BABAM2: variants seen among roughly 807,000 people sequenced by gnomAD.
BABAM2 encodes the protein BRISC and BRCA1-A complex member 2.
In BABAM2, 31 loss-of-function variants were observed where a neutral mutation model predicts 54.7. The observed-to-expected ratio is 0.57, with a 90% CI of 0.43 to 0.77. The LOEUF is 0.77. Among genes scored for constraint, BABAM2 ranks in the 30% least tolerant of loss-of-function variants. BABAM2 has a pLI of 0.00. For synonymous variants in BABAM2, 167 were observed against 162.9 expected, an observed-to-expected ratio of 1.03 and a Z score of -0.19; for missense variants, 364 against 455.8, an observed-to-expected ratio of 0.80 and a Z score of 1.83.
intron 3 of BABAM2, among the ~76,000 whole-genome samples, chr2:27,969,870 C>T (rs1219555931): frequency 6.6e-6 from 1 of 152,008 alleles, no homozygotes. Context: ...GTTATCCATC[C>T]CCAAATGTCA....
chr2:28,172,819 T>C (rs1674505445), intron 7 of BABAM2, among the ~76,000 whole-genome samples: 1 of 152,182 alleles, frequency 6.6e-6, no homozygotes, highest in Non-Finnish European at 1.5e-5. Context: ...ATCTATAACC[T>C]TGTGTATTAG....
intron 7 of BABAM2, among the ~76,000 whole-genome samples, chr2:28,138,107 A>G (rs1670703894): frequency 6.6e-6 from 1 of 152,196 alleles, no homozygotes; most frequent in Non-Finnish European, 1.5e-5. Flanking sequence ...CTGTTCATTT[A>G]TATTTATTCA....
chr2:28,328,066 G>C (rs1243962256), intron 11 of BABAM2, among the ~76,000 whole-genome samples: 3 of 152,190 alleles, frequency 2.0e-5, no homozygotes, highest in Non-Finnish European at 2.9e-5. Flanking sequence ...TGTCACAGGG[G>C]CCTTTGGAGG....
chr2:27,997,074 A>G (rs1458398), intron 4 of BABAM2, among the ~76,000 whole-genome samples: 99,381 of 151,948 alleles, frequency 0.65, 34,198 homozygotes, highest in Middle Eastern at 0.8. Flanking sequence ...TGGTAAGAAT[A>G]CAGAATTAAT....
In BABAM2 at chr2:28,329,987, A is replaced by G. The variant is rs572732850; in HGVS notation, c.1089-8463A>G. On this transcript the variant is annotated intron_variant, in intron 11 of 11. Coordinates refer to ENST00000379624, the MANE Select transcript of BABAM2 (RefSeq NM_199191.3). This position sits in a 1 kb window ranked among gnomAD's most constrained non-coding sequence, Gnocchi z 4.2. ...CACATCAAAAAGCTTATCCACCACA[A>G]TCAAGTCAGCTTCATCCCCAGGATG... Among the ~76,000 whole-genome samples, 2 of 152,332 alleles carry G rather than the reference A, an allele frequency of 1.3e-5. No homozygotes were observed. The highest frequency in any genetic ancestry group is 2.1e-4 in the South Asian group (1 of 4,832).
At chr2:27,893,867 G>A (rs1665060777) in intron 1 of BABAM2, among the ~76,000 whole-genome samples, 1 of 151,970 alleles carries the variant, frequency 6.6e-6, no homozygotes, top group Admixed American at 6.5e-5. Flanking sequence ...GGTGGCATGT[G>A]CCTGTAGTCC....
intron 6 of BABAM2, among the ~76,000 whole-genome samples, chr2:28,070,032 T>G (rs1016131639): frequency 6.6e-6 from 1 of 152,186 alleles, no homozygotes; most frequent in Admixed American, 6.5e-5. Flanking sequence ...CATGCCACCA[T>G]GCTAAAAATT....
chr2:28,276,581 C>T (rs1222608672), intron 10 of BABAM2, among the ~76,000 whole-genome samples: 1 of 152,170 alleles, frequency 6.6e-6, no homozygotes, highest in South Asian at 2.1e-4. Flanking sequence ...TCACAGTGCC[C>T]ACCTTCTTCG....
intron 10 of BABAM2, among the ~76,000 whole-genome samples, chr2:28,256,388 A>G (rs1439692499): frequency 1.3e-5 from 2 of 152,228 alleles, no homozygotes; most frequent in Admixed American, 6.5e-5. Flanking sequence ...TAATAGAAGG[A>G]AATGCTAAAT....
intron 6 of BABAM2, among the ~76,000 whole-genome samples, chr2:28,125,888 G>T (rs889878334): frequency 4.6e-5 from 7 of 152,192 alleles, no homozygotes; most frequent in Non-Finnish European, 8.8e-5. Flanking sequence ...TATTTAAAAA[G>T]CAGTTGATAG....
chr2:27,889,904 G>T, upstream of BABAM2: 1 of 236,236 alleles, frequency 4.2e-6, no homozygotes, highest in Non-Finnish European at 8.2e-6. Flanking sequence ...GAGGTAAAAT[G>T]ACGTGGGCAA....
chr2:27,930,331 T>G, intron 3 of BABAM2: 1 of 175,406 alleles, frequency 5.7e-6, no homozygotes, highest in South Asian at 1.2e-4. Flanking sequence ...TTATCTCCTG[T>G]TGTTACCGAA....
At chr2:28,138,122 T>C (rs1316746273) in intron 7 of BABAM2, among the ~76,000 whole-genome samples, 1 of 152,160 alleles carries the variant, frequency 6.6e-6, no homozygotes, top group Non-Finnish European at 1.5e-5. Flanking sequence ...TATTCACAAG[T>C]AGGAAAACAT....
chr2:28,258,085 G>A (rs1005554100), intron 10 of BABAM2, among the ~76,000 whole-genome samples: 20 of 152,114 alleles, frequency 1.3e-4, no homozygotes, highest in African/African-American at 4.3e-4. Context: ...GCTGAGGCAG[G>A]AGAAACGCTT....
chr2:28,238,205 A>G (rs566507618), intron 8 of BABAM2, among the ~76,000 whole-genome samples: 17 of 152,350 alleles, frequency 1.1e-4, no homozygotes, highest in African/African-American at 3.8e-4. Flanking sequence ...AGCTACATCA[A>G]TGAGCCATTT....
chr2:28,045,938 C>A, intron 6 of BABAM2, 139 bp downstream of exon 6: 1 of 685,128 alleles, frequency 1.5e-6, no homozygotes, highest in Non-Finnish European at 2.3e-6. Flanking sequence ...CATGAAGTTC[C>A]ATTGAGCTGT....
At chr2:28,303,892 T>A (rs1447498159) in intron 11 of BABAM2, among the ~76,000 whole-genome samples, 1 of 152,134 alleles carries the variant, frequency 6.6e-6, no homozygotes, top group Non-Finnish European at 1.5e-5. Context: ...TTCTTTTTCT[T>A]TTTTTTGAGA....
At chr2:28,332,848 T>C (rs1054550440) in intron 11 of BABAM2, among the ~76,000 whole-genome samples, 7 of 152,186 alleles carry the variant, frequency 4.6e-5, no homozygotes. Flanking sequence ...AGCTCTAGAC[T>C]GGATTGCAAA....
chr2:28,073,747 AGGATTCT>A (rs1166883050), intron 6 of BABAM2, among the ~76,000 whole-genome samples: 2 of 152,282 alleles, frequency 1.3e-5, no homozygotes, highest in African/African-American at 4.8e-5. Flanking sequence ...AAGATTGTAT[AGGATTCT>A]GGATTCTGAT....
Sources: allele counts gnomAD v4.1 joint callset (sites outside exome capture counted in the v4.1 genomes callset), GRCh38; gene constraint gnomAD v4.1.1; non-coding constraint Gnocchi (gnomAD v3.1); transcripts MANE v1.5; gene names NCBI Gene and HGNC (gene_info 2026-07-23, HGNC 2026-07-21).